ADCY2: variants seen among roughly 807,000 people sequenced by gnomAD.
ADCY2 encodes adenylate cyclase 2.
A neutral mutation model predicts 125.2 loss-of-function variants in ADCY2; 31 were observed. The observed-to-expected ratio is 0.25, with a 90% confidence interval of 0.19 to 0.33. The LOEUF (loss-of-function observed/expected upper bound fraction) is 0.33. ADCY2 is among the 10% of genes least tolerant of loss of function. ADCY2 has a pLI of 1.00. For missense variants in ADCY2, 904 were observed against 1,418.2 expected (o/e 0.64, Z 5.82); for synonymous variants, 512 against 548.4 (o/e 0.93, Z 0.93).
rs760499133 is a variant in ADCY2, at chr5:7,511,574, CAAAAA to C, written c.409-9162_409-9158del. ...TGGGTGACAGAGTAAGACTCTGTCTCAAAAAAGAAAAAAAAATGTAGTGTGATTAG... is the reference window on the plus strand; with the variant it reads ...TGGGTGACAGAGTAAGACTCTGTCTCAGAAAAAAAAATGTAGTGTGATTAG... On this transcript the variant is annotated intron_variant, in intron 2 of 24. Coordinates refer to ENST00000338316, the MANE Select transcript of ADCY2 (RefSeq NM_020546.3). Among the ~76,000 whole-genome samples, 57 of 146,686 alleles carry C rather than the reference CAAAAA, an allele frequency of 3.9e-4. 1 individual carries two copies. The highest frequency in any genetic ancestry group is 1.5e-3 in the South Asian group (7 of 4,640).
intron 2 of ADCY2, among the ~76,000 whole-genome samples, chr5:7,476,823 AATAT>A (rs1285453479): frequency 6.6e-6 from 1 of 152,166 alleles, no homozygotes; most frequent in African/African-American, 2.4e-5. Context: ...CTTGTTTTCT[AATAT>A]ATAAGCAAAA....
intron 3 of ADCY2, among the ~76,000 whole-genome samples, chr5:7,569,405 T>C (rs1295004193): frequency 6.6e-6 from 1 of 152,114 alleles, no homozygotes; most frequent in Non-Finnish European, 1.5e-5. Context: ...ACATAGTTCA[T>C]CCAAAATAAT....
In ADCY2 at chr5:7,629,952, A is replaced by G. The variant is rs957784716; in HGVS notation, c.720+3636A>G. Among the ~76,000 whole-genome samples the G allele has an allele frequency of 2.0e-5, 3 of 152,260 alleles. No homozygotes were observed. In the South Asian group the frequency reaches 6.2e-4, roughly 32 times the overall value. ...TTGCTATTTCATAGAGGGAGAATAAACCCTCTTTAATTTATATATTGTCTT... is the reference window on the plus strand; with the variant it reads ...TTGCTATTTCATAGAGGGAGAATAAGCCCTCTTTAATTTATATATTGTCTT... On this transcript the variant is annotated intron_variant, in intron 4 of 24. Transcript: ENST00000338316.
intron 15 of ADCY2, among the ~76,000 whole-genome samples, chr5:7,750,863 A>C (rs1742790864): frequency 6.6e-6 from 1 of 151,812 alleles, no homozygotes; most frequent in Admixed American, 6.6e-5. Flanking sequence ...TGTATTCTCT[A>C]CCACAGACCT....
chr5:7,482,789 T>TATATATATATAC lies in ADCY2; in HGVS notation c.409-37946_409-37945insTATATATACATA, dbSNP rs1241879068. On this transcript the variant is annotated intron_variant, in intron 2 of 24. Transcript: ENST00000338316. ...TGTGATATATATATATATATATATA[T>TATATATATATAC]ATACACACACACATACATATATACA... is the stretch of plus-strand genomic sequence containing the variant. Among the ~76,000 whole-genome samples the TATATATATATAC allele has an allele frequency of 1.2e-4, 17 of 143,250 alleles. 1 individual carries two copies. The Middle Eastern group carries it at 0.011, about 89-fold the overall frequency. The allele number at this position is 143,250 out of a possible 152,430, so 94.0% of individuals were successfully genotyped here. A position where few individuals can be genotyped will look rare whatever the true frequency, so the allele number is the denominator to read the frequency against.
chr5:7,547,377 A>G (rs1346089602), intron 3 of ADCY2, among the ~76,000 whole-genome samples: 1 of 152,180 alleles, frequency 6.6e-6, no homozygotes, highest in Non-Finnish European at 1.5e-5. Flanking sequence ...CCTGGGTGGC[A>G]TGGGTGGAGA....
intron 4 of ADCY2, among the ~76,000 whole-genome samples, chr5:7,635,173 T>G (rs1738451799): frequency 6.6e-6 from 1 of 152,028 alleles, no homozygotes. Context: ...TTATACTGAG[T>G]GGGAAGTCAC....
intron 1 of ADCY2, among the ~76,000 whole-genome samples, chr5:7,397,583 T>G (rs1739109195): frequency 6.6e-6 from 1 of 152,026 alleles, no homozygotes; most frequent in East Asian, 1.9e-4. Context: ...TGGATTTTGC[T>G]TATATTTCAC....
At chr5:7,475,384 ATTT>A (rs879874681) in intron 2 of ADCY2, among the ~76,000 whole-genome samples, 1 of 141,560 alleles carries the variant, frequency 7.1e-6, no homozygotes, top group Non-Finnish European at 1.6e-5. Flanking sequence ...GAAACTTGAG[ATTT>A]TTTTTTTTTT....
At chr5:7,439,005 C>A (rs1481114532) in intron 2 of ADCY2, among the ~76,000 whole-genome samples, 2 of 152,192 alleles carry the variant, frequency 1.3e-5, no homozygotes, top group Non-Finnish European at 2.9e-5. Flanking sequence ...TTCTCTCCCA[C>A]CAATGCTGCA....
At chr5:7,657,180 G>A (rs1739368080) in intron 4 of ADCY2, among the ~76,000 whole-genome samples, 1 of 152,146 alleles carries the variant, frequency 6.6e-6, no homozygotes, top group South Asian at 2.1e-4. Flanking sequence ...AACACTTCTG[G>A]TCCCAAGCAT....
At chr5:7,680,962 A>G (rs1287132632) in intron 4 of ADCY2, among the ~76,000 whole-genome samples, 1 of 152,258 alleles carries the variant, frequency 6.6e-6, no homozygotes, top group African/African-American at 2.4e-5. Flanking sequence ...ACCATGTGCC[A>G]GCAACATAGG....
At chr5:7,426,573 A>G (rs1162053207) in intron 2 of ADCY2, among the ~76,000 whole-genome samples, 2 of 152,222 alleles carry the variant, frequency 1.3e-5, no homozygotes, top group Non-Finnish European at 2.9e-5. Context: ...ACCTCTTAAC[A>G]CTGTTGCACT....
chr5:7,724,469 A>C, intron 12 of ADCY2, 76 bp from the exon 13 acceptor site: 4 of 1,129,490 alleles, frequency 3.5e-6, no homozygotes, highest in Non-Finnish European at 5.3e-6. Context: ...GAAGATCGCA[A>C]GTCATTTTAA....
At chr5:7,453,346 C>T (rs1741542793) in intron 2 of ADCY2, among the ~76,000 whole-genome samples, 1 of 152,170 alleles carries the variant, frequency 6.6e-6, no homozygotes, top group South Asian at 2.1e-4. Context: ...GCATCATTTA[C>T]TAAACGTTGT....
At chr5:7,652,891 A>G (rs1207459083) in intron 4 of ADCY2, among the ~76,000 whole-genome samples, 3 of 152,228 alleles carry the variant, frequency 2.0e-5, no homozygotes, top group Admixed American at 6.5e-5. Context: ...TTTTTCAGTG[A>G]GCTCTGTGAA....
intron 18 of ADCY2, among the ~76,000 whole-genome samples, chr5:7,783,405 T>C (rs1743980772): frequency 6.6e-6 from 1 of 152,136 alleles, no homozygotes; most frequent in African/African-American, 2.4e-5. Flanking sequence ...TGAAGCGGTT[T>C]ATGCAAGGTC....
chr5:7,713,508 T>A (rs12520419), intron 11 of ADCY2, among the ~76,000 whole-genome samples: 3 of 150,954 alleles, frequency 2.0e-5, no homozygotes, highest in South Asian at 2.1e-4. Context: ...AAAAAAAAAA[T>A]AAAAAGAAAA....
intron 3 of ADCY2, among the ~76,000 whole-genome samples, chr5:7,559,559 C>T (rs542455280): frequency 1.4e-3 from 212 of 152,294 alleles, no homozygotes; most frequent in Non-Finnish European, 2.3e-3. Context: ...TATTTATCAG[C>T]TTAAGAAGCT....
Sources: gnomAD v4.1 joint callset for allele counts (sites outside exome capture counted in the v4.1 genomes callset) on GRCh38, gnomAD v4.1.1 for gene constraint, MANE v1.5 for transcripts, NCBI Gene and HGNC (gene_info 2026-07-23, HGNC 2026-07-21) for gene names.